ANXA8: variants seen among roughly 807,000 people sequenced by gnomAD.
The protein encoded by ANXA8 is annexin A8, also known as VAC-beta.
A neutral mutation model predicts 26.8 loss-of-function variants in ANXA8; 9 were observed. That is an observed-to-expected ratio of 0.34 (90% CI 0.20 to 0.59). ANXA8 has a LOEUF of 0.59. ANXA8 is among the 20% of genes least tolerant of loss of function. The pLI is 0.84. For missense variants in ANXA8, 83 were observed against 238.5 expected (o/e 0.35, Z 4.29); for synonymous variants, 39 against 94.8 (o/e 0.41, Z 3.42).
the ANXA8 span, among the ~76,000 whole-genome samples, chr10:47,671,316 C>A: frequency 3.6e-4 from 53 of 149,114 alleles, no homozygotes; most frequent in African/African-American, 1.1e-3. Context: ...TAGCTACTTG[C>A]GAGTCTGAGG....
chr10:47,742,737 T>C, the ANXA8 span, among the ~76,000 whole-genome samples: 2 of 131,754 alleles, frequency 1.5e-5, no homozygotes, highest in African/African-American at 2.8e-5. Flanking sequence ...AAGATGTCCA[T>C]GACACTTTAA....
chr10:47,593,598 C>A, the ANXA8 span, among the ~76,000 whole-genome samples: 1 of 149,674 alleles, frequency 6.7e-6, no homozygotes, highest in Non-Finnish European at 1.5e-5. Context: ...CTAAAACAAG[C>A]AACATCTGTG....
the ANXA8 span, among the ~76,000 whole-genome samples, chr10:47,659,391 T>G: frequency 6.6e-6 from 1 of 151,504 alleles, no homozygotes; most frequent in African/African-American, 2.4e-5. Context: ...CACTTAAGAG[T>G]GTTTTAGGCC....
chr10:47,730,664 TA>T, the ANXA8 span, among the ~76,000 whole-genome samples: 1 of 150,418 alleles, frequency 6.6e-6, no homozygotes, highest in Non-Finnish European at 1.5e-5. Context: ...AGAAATGATC[TA>T]CCAGTCAAGG....
At chr10:47,497,245 GGGA>G in the ANXA8 span, among the ~76,000 whole-genome samples, 1 of 138,658 alleles carries the variant, frequency 7.2e-6, no homozygotes, top group Non-Finnish European at 1.5e-5. Context: ...GCTTGAACCC[GGGA>G]GGAGAGGCTG....
At chr10:47,576,796 G>C in the ANXA8 span, among the ~76,000 whole-genome samples, 2 of 150,310 alleles carry the variant, frequency 1.3e-5, no homozygotes, top group Non-Finnish European at 3.0e-5. Flanking sequence ...CAGGATTACA[G>C]GTGTGAGCCA....
chr10:47,779,209 C>T, the ANXA8 span, among the ~76,000 whole-genome samples: 3 of 115,020 alleles, frequency 2.6e-5, no homozygotes, highest in South Asian at 3.3e-4. Context: ...GCTCTGTCCA[C>T]GTTCTTCTGG....
the ANXA8 span, among the ~76,000 whole-genome samples, chr10:47,674,606 G>A: frequency 4.6e-5 from 7 of 151,536 alleles, no homozygotes; most frequent in South Asian, 2.1e-4. Flanking sequence ...TTACATATGC[G>A]CAGCCTACAC....
chr10:47,951,452 T>C, the ANXA8 span, among the ~76,000 whole-genome samples: 1 of 149,880 alleles, frequency 6.7e-6, no homozygotes, highest in Non-Finnish European at 1.5e-5. Flanking sequence ...ATCAGCATAA[T>C]CCTGATATCA....
At chr10:47,683,714 T>C in the ANXA8 span, among the ~76,000 whole-genome samples, 1 of 151,342 alleles carries the variant, frequency 6.6e-6, no homozygotes, top group African/African-American at 2.4e-5. Flanking sequence ...AGTTGCAGAG[T>C]AGTAATTTGA....
At chr10:47,707,583 T>C in the ANXA8 span, among the ~76,000 whole-genome samples, 2 of 139,550 alleles carry the variant, frequency 1.4e-5, no homozygotes, top group East Asian at 2.9e-4. Context: ...GACCAGGTTT[T>C]GTCATGTTGC....
the ANXA8 span, among the ~76,000 whole-genome samples, chr10:47,749,636 G>C: frequency 6.6e-6 from 1 of 150,676 alleles, no homozygotes; most frequent in African/African-American, 2.5e-5. Context: ...AACCACTAAA[G>C]AAATTATAAA....
At chr10:47,650,215 A>G in the ANXA8 span, among the ~76,000 whole-genome samples, 26 of 150,224 alleles carry the variant, frequency 1.7e-4, no homozygotes, top group East Asian at 2.2e-3. Context: ...CAAAAAAAAA[A>G]AAAAAAAGAA....
the ANXA8 span, among the ~76,000 whole-genome samples, chr10:47,546,396 ATTTTTTTTTTTTTT>A: frequency 1.7e-5 from 1 of 59,574 alleles, no homozygotes; most frequent in African/African-American, 9.1e-5. Context: ...GATAAGACCA[ATTTTTTTTTTTTTT>A]TTTTTTTTTT....
the ANXA8 span, among the ~76,000 whole-genome samples, chr10:47,639,314 A>ATTATTATTATT: frequency 1.3e-5 from 1 of 75,346 alleles, no homozygotes; most frequent in African/African-American, 5.3e-5. Context: ...TATTATTATT[A>ATTATTATTATT]TTTTTTTTTT....
chr10:47,779,865 T>TG, the ANXA8 span, among the ~76,000 whole-genome samples: 1 of 150,628 alleles, frequency 6.6e-6, no homozygotes, highest in African/African-American at 2.4e-5. Context: ...CTGGGAAATG[T>TG]GGTCATTATT....
the ANXA8 span, among the ~76,000 whole-genome samples, chr10:47,527,746 C>T: frequency 7.0e-6 from 1 of 142,154 alleles, no homozygotes; most frequent in Admixed American, 7.1e-5. Flanking sequence ...GGCTTCTCTT[C>T]CCAAGTATTT....
chr10:47,696,538 T>C, the ANXA8 span: 6 of 1,270,474 alleles, frequency 4.7e-6, 1 homozygote, highest in South Asian at 9.1e-5. Context: ...TGAAGTAATG[T>C]ATTAGTGTTT....
chr10:47,920,577 A>ATTGATC, the ANXA8 span, among the ~76,000 whole-genome samples: 3 of 126,018 alleles, frequency 2.4e-5, no homozygotes, highest in African/African-American at 9.1e-5. Context: ...GTGCTCTGCA[A>ATTGATC]AAACTGCCTT....
Sources: allele counts gnomAD v4.1 joint callset (sites outside exome capture counted in the v4.1 genomes callset), GRCh38; gene constraint gnomAD v4.1.1; transcripts MANE v1.5; gene names NCBI Gene and HGNC (gene_info 2026-07-23, HGNC 2026-07-21).